The following NPHP4 variants were observed in gnomAD, a reference collection of about 807,000 sequenced individuals.
NPHP4 encodes nephrocystin-4.
Under a neutral mutation model 155.8 loss-of-function variants are expected in NPHP4, and 151 were observed. The ratio of observed to expected loss-of-function variants is 0.97; its 90% CI spans 0.85 to 1.11. The LOEUF is 1.11. Ranked by LOEUF, NPHP4 falls within the 50% of genes least tolerant of loss-of-function variation. The pLI is 0.00. For missense variants in NPHP4, 1,956 were observed against 1,925.7 expected (o/e 1.02, Z -0.29); for synonymous variants, 845 against 816.8 (o/e 1.03, Z -0.59).
rs753700715 is a variant in NPHP4 at position 5,864,043 on chromosome 1, G to A, written c.3997-10C>T. The A allele has an allele frequency of 6.2e-7, 1 of 1,612,424 alleles. No individual in the cohort carries two copies. Among genetic ancestry groups the A allele is most frequent in the Admixed American group, 1.7e-5 (1 of 59,832 alleles). ...ACATGATCTCAAAGGCCTGTGGAGGGAGGGGACAGGGAGACGCTGCGGCCA... is the reference window on the plus strand; with the variant it reads ...ACATGATCTCAAAGGCCTGTGGAGGAAGGGGACAGGGAGACGCTGCGGCCA... On this transcript the variant is annotated splice_polypyrimidine_tract_variant and intron_variant, in intron 28 of 29. Coordinates refer to ENST00000378156, the MANE Select transcript of NPHP4 (RefSeq NM_015102.5).
In NPHP4 at chr1:5,978,328, G is replaced by T. The variant is rs201780862; in HGVS notation, c.221C>A (p.Thr74Lys). Reference sequence around the variant, plus strand: ...CGTCGGCTTCACTGTGGTTTTCCACGTCCTCCCAAAGAAGTGCCGGTAGGT... The same window carrying T: ...CGTCGGCTTCACTGTGGTTTTCCACTTCCTCCCAAAGAAGTGCCGGTAGGT... ...DVTYRHFFGR[T>K]WKTTVKPTKR... is the part of the protein sequence containing the mutation. Residue 74 changes from threonine (T) to lysine (K), a missense_variant, in exon 3 of 30, where the codon ACG becomes AAG. Thr to Lys is a moderately conservative substitution (Grantham distance 78). Coordinates refer to ENST00000378156, the MANE Select transcript of NPHP4 (RefSeq NM_015102.5). The T allele has an allele frequency of 6.2e-7, 1 of 1,609,498 alleles. No homozygotes were observed. Among genetic ancestry groups the T allele is most frequent in the Non-Finnish European group, 8.5e-7 (1 of 1,178,198 alleles).
Position 5,986,206 on chromosome 1 carries a change from G to A in NPHP4, c.84C>T (p.Ser28=), listed in dbSNP as rs1035789744. The change falls in exon 2 of 30, where the codon TCC becomes TCT. Residue 28 remains serine, a synonymous_variant. Coordinates refer to ENST00000378156, the MANE Select transcript of NPHP4 (RefSeq NM_015102.5). The part of the protein sequence containing the change: ...PQRARQPWKE[S]TAFQCVLKWL... ...ACTTGAGGACACACTGGAATGCCGTGGATTCCTTCCAAGGCTGGCGCGCTC... is the reference window on the plus strand; with the variant it reads ...ACTTGAGGACACACTGGAATGCCGTAGATTCCTTCCAAGGCTGGCGCGCTC... The A allele has an allele frequency of 1.2e-6, 2 of 1,613,898 alleles. No individual in the cohort carries two copies. The highest frequency in any genetic ancestry group is 2.7e-5 in the African/African-American group (2 of 75,038).
rs72856175 is a variant in NPHP4, at chr1:5,866,545, C to T, written c.3559-87G>A. 5.7e-3 allele frequency: 4,312 copies of T among 761,524 alleles called. 135 individuals are homozygous for T. In the African/African-American group the frequency reaches 0.064, roughly 11 times the overall value. The allele number at this position is 761,524 out of a possible 1,614,324, so 47.2% of individuals were successfully genotyped here. ...CTAAATCTGTGACTAATACACGCAGCGAGTGACGGCCAGTCCCTCCCAGAA... is the reference window on the plus strand; with the variant it reads ...CTAAATCTGTGACTAATACACGCAGTGAGTGACGGCCAGTCCCTCCCAGAA... On this transcript the variant is annotated intron_variant, in intron 25 of 29. Transcript: ENST00000378156.
intron 23 of NPHP4, chr1:5,868,308 C>T (rs1387120538): frequency 2.4e-5 from 8 of 335,084 alleles, no homozygotes; most frequent in Non-Finnish European, 2.9e-5. Context: ...GGGCCAAGTT[C>T]GCGGTCAAGC....
chr1:5,877,615 G>A (rs1356115612), intron 19 of NPHP4: 3 of 264,894 alleles, frequency 1.1e-5, no homozygotes, highest in Non-Finnish European at 2.1e-5. Context: ...AGAAGCCCAT[G>A]CTCTCGGGAT....
intron 16 of NPHP4, among the ~76,000 whole-genome samples, chr1:5,897,609 T>C (rs1644458319): frequency 6.6e-6 from 1 of 152,206 alleles, no homozygotes; most frequent in Non-Finnish European, 1.5e-5. Context: ...CGGGACGTTC[T>C]GCAAGACAGC....
At chr1:5,896,608 A>C (rs1185668195) in intron 16 of NPHP4, among the ~76,000 whole-genome samples, 1 of 152,262 alleles carries the variant, frequency 6.6e-6, no homozygotes, top group Non-Finnish European at 1.5e-5. Context: ...AAGGAAATTT[A>C]TGAGAAAAAT....
At position 5,914,324 on chromosome 1, in the gene NPHP4, CATGGGAGGCAGAA is replaced by C. The variant is rs1355397158; in HGVS notation, c.1442-5124_1442-5112del. ...TGGCATGCACCTGTGGTCCCAGCTA[CATGGGAGGCAGAA>C]GTGGGAAGATCACTTGGGCCTGGAA... On this transcript the variant is annotated intron_variant, in intron 11 of 29. Coordinates refer to ENST00000378156, the MANE Select transcript of NPHP4 (RefSeq NM_015102.5). Among the ~76,000 whole-genome samples, 16 of 136,904 alleles carry C rather than the reference CATGGGAGGCAGAA, an allele frequency of 1.2e-4. No homozygotes were observed. In the Admixed American group the frequency reaches 1.2e-3, roughly 10 times the overall value. 89.8% of individuals were successfully genotyped at this position (136,904 alleles called of 152,430 possible).
At chr1:5,940,831 T>C (rs1053908243) in intron 9 of NPHP4, among the ~76,000 whole-genome samples, 1 of 152,228 alleles carries the variant, frequency 6.6e-6, no homozygotes, top group African/African-American at 2.4e-5. Flanking sequence ...ATCCTGTTCT[T>C]GGTTAGGGCA....
In NPHP4 at chr1:5,961,906, G is replaced by C; in HGVS notation, c.561C>G (p.Tyr187Ter). ...MTLIENCSLQ[Y>*]TLKPHPALEP... ...CCAGGGCCGGGTGTGGCTTCAGCGTGTACTGCAGGCTGCAGTTCTCAATGA... is the reference window on the plus strand; with the variant it reads ...CCAGGGCCGGGTGTGGCTTCAGCGTCTACTGCAGGCTGCAGTTCTCAATGA... Residue 187 changes from tyrosine (Y) to a stop codon, truncating the protein, a stop_gained, in exon 6 of 30, where the codon TAC (tyrosine) becomes TAG (stop). Transcript: ENST00000378156. LOFTEE classifies it high-confidence loss of function. 1 of 1,612,912 alleles carries C rather than the reference G, an allele frequency of 6.2e-7. No homozygotes were observed. Among genetic ancestry groups the C allele is most frequent in the Non-Finnish European group, 8.5e-7 (1 of 1,178,974 alleles).
intron 11 of NPHP4, among the ~76,000 whole-genome samples, chr1:5,923,446 G>C (rs550329661): frequency 6.6e-6 from 1 of 152,204 alleles, no homozygotes; most frequent in Non-Finnish European, 1.5e-5. Flanking sequence ...GACAGGATGA[G>C]CAGCACAGAG....
intron 16 of NPHP4, among the ~76,000 whole-genome samples, 198 bp from the exon 17 acceptor site, chr1:5,891,226 C>G (rs1368056161): frequency 2.0e-5 from 3 of 152,224 alleles, no homozygotes; most frequent in Non-Finnish European, 2.9e-5. Flanking sequence ...GACTACATTT[C>G]TTTCGCATAG....
At chr1:5,988,121 T>A (rs1201572111) in intron 1 of NPHP4, among the ~76,000 whole-genome samples, 3 of 152,224 alleles carry the variant, frequency 2.0e-5, no homozygotes, top group African/African-American at 7.2e-5. Flanking sequence ...GAAGAAAACA[T>A]CCACCCAAAG....
At chr1:5,941,407 G>A (rs1431275134) in intron 9 of NPHP4, among the ~76,000 whole-genome samples, 1 of 148,690 alleles carries the variant, frequency 6.7e-6, no homozygotes, top group Non-Finnish European at 1.5e-5. Context: ...TCAAAATCCA[G>A]ATACAATAAA....
At chr1:5,968,797 A>G (rs1570689563) in intron 4 of NPHP4, among the ~76,000 whole-genome samples, 1 of 152,060 alleles carries the variant, frequency 6.6e-6, no homozygotes, top group Non-Finnish European at 1.5e-5. Context: ...TTAGCCAGAC[A>G]TGGTAGCAGG....
chr1:5,981,892 T>TG (rs1654766318), intron 2 of NPHP4, among the ~76,000 whole-genome samples: 1 of 152,090 alleles, frequency 6.6e-6, no homozygotes, highest in African/African-American at 2.4e-5. Flanking sequence ...AAGTCTGTAC[T>TG]TTTTTTTGTA....
At position 5,968,427 on chromosome 1, in the gene NPHP4, T is replaced by C. The variant is rs140233544; in HGVS notation, c.452+660A>G. ...GACCAGCCTGGGCAACATAGGGAGA[T>C]CCCGTCTCTACTAAAAACACAAAAA... On this transcript the variant is annotated intron_variant, in intron 4 of 29. Coordinates refer to ENST00000378156, the MANE Select transcript of NPHP4 (RefSeq NM_015102.5). 5.3e-3 allele frequency among the ~76,000 whole-genome samples: 801 copies of C among 151,942 alleles called. 5 individuals are homozygous for C. The highest frequency in any genetic ancestry group is 0.018 in the African/African-American group (746 of 41,440).
At chr1:5,918,127 C>T (rs1362291628) in intron 11 of NPHP4, among the ~76,000 whole-genome samples, 1 of 152,102 alleles carries the variant, frequency 6.6e-6, no homozygotes, top group Admixed American at 6.5e-5. Flanking sequence ...AGGAATCAGA[C>T]AACACACAAG....
At chr1:5,920,638 C>A (rs1645697813) in intron 11 of NPHP4, among the ~76,000 whole-genome samples, 1 of 152,220 alleles carries the variant, frequency 6.6e-6, no homozygotes, top group South Asian at 2.1e-4. Flanking sequence ...TCATCCTCCC[C>A]CCAATCCTTG....
Sources: allele counts gnomAD v4.1 joint callset (sites outside exome capture counted in the v4.1 genomes callset), GRCh38; gene constraint gnomAD v4.1.1; transcripts MANE v1.5; gene names NCBI Gene and HGNC (gene_info 2026-07-23, HGNC 2026-07-21).